Variants in PTOV1 observed in about 807,000 individuals in gnomAD.
PTOV1 encodes the protein prostate tumor-overexpressed gene 1 protein.
A neutral mutation model predicts 58.0 loss-of-function variants in PTOV1; 20 were observed. That is an observed-to-expected ratio of 0.34 (90% CI 0.24 to 0.50). The LOEUF (loss-of-function observed/expected upper bound fraction) is 0.50, where lower values mean the gene tolerates loss of function less well. Ranked by LOEUF, PTOV1 falls within the 20% of genes least tolerant of loss-of-function variation. The pLI, the probability that PTOV1 is intolerant of heterozygous loss-of-function variation, is 0.98. For synonymous variants in PTOV1, 335 were observed against 234.2 expected (o/e 1.43, Z -3.93); for missense variants, 593 against 565.4 (o/e 1.05, Z -0.50).
At chr19:49,856,705 ATGTGGGTGGG>A in intron 5 of PTOV1, 1 of 429,554 alleles carries the variant, frequency 2.3e-6, no homozygotes, top group Admixed American at 3.8e-5. Flanking sequence ...GCAGGGGGTG[ATGTGGGTGGG>A]AGGTAGTGCC....
chr19:49,850,949 C>A (rs1353970323), upstream of PTOV1: 1 of 1,535,784 alleles, frequency 6.5e-7, no homozygotes, highest in Admixed American at 2.0e-5. Context: ...TTCTGCCACC[C>A]CATTCGGTAG....
rs571540443 is a variant in PTOV1, at chr19:49,859,819, C to T, written c.1042-167C>T. On this transcript the variant is annotated intron_variant, in intron 10 of 11. Transcript: ENST00000391842. ...CTTTGGCCCACCCATTGCTCTTGGCCACCGTGTCATCCCAATAAGGGGGCC... is the reference window on the plus strand; with the variant it reads ...CTTTGGCCCACCCATTGCTCTTGGCTACCGTGTCATCCCAATAAGGGGGCC... 1.3e-5 allele frequency: 9 copies of T among 697,012 alleles called. No homozygotes were observed. The East Asian group carries it at 1.9e-4, about 14-fold the overall frequency. 43.2% of individuals were successfully genotyped at this position (697,012 alleles called of 1,614,324 possible).
chr19:49,859,970 G>A lies in PTOV1; in HGVS notation c.1042-16G>A, dbSNP rs201004192. ...CTGTGGTGCTGTCTGGTGACACCAC[G>A]CCCTGTGCCTGCCAGGCCGGCTGCG... On this transcript the variant is annotated splice_polypyrimidine_tract_variant and intron_variant, in intron 10 of 11. Coordinates refer to ENST00000391842, the Ensembl canonical transcript of PTOV1. The A allele has an allele frequency of 3.5e-5, 57 of 1,613,836 alleles. No homozygotes were observed. In the Middle Eastern group the frequency reaches 5.0e-4, roughly 14 times the overall value.
exon 6 of PTOV1, chr19:49,857,109 G>A (rs144117652): frequency 4.3e-6 from 7 of 1,613,938 alleles, no homozygotes; most frequent in Non-Finnish European, 5.9e-6. Context: ...CCATCCGGCA[G>A]GTCATCACCA....
intron 9 of PTOV1, 31 bp downstream of exon 9, chr19:49,858,145 G>T: frequency 6.2e-7 from 1 of 1,607,608 alleles, no homozygotes; most frequent in Non-Finnish European, 8.5e-7. Context: ...GCTGGAGCCT[G>T]CACGCAGTAG....
At chr19:49,860,039 G>A in exon 11 of PTOV1, 1 of 1,614,232 alleles carries the variant, frequency 6.2e-7, no homozygotes, top group South Asian at 1.1e-5. Flanking sequence ...GCGTGCTTAT[G>A]CTCCTGTACT....
exon 2 of PTOV1, chr19:49,854,480 C>T (rs769461066): frequency 2.7e-5 from 43 of 1,612,608 alleles, no homozygotes; most frequent in African/African-American, 6.7e-5. Flanking sequence ...GGGGTCTGGC[C>T]GTGAGCGAGC....
upstream of PTOV1, chr19:49,850,738 TG>T: frequency 1.0e-6 from 1 of 963,284 alleles, no homozygotes; most frequent in East Asian, 3.0e-5. Context: ...AACCTTCAGC[TG>T]TCTCAGGCTC....
exon 4 of PTOV1, chr19:49,854,844 T>G: frequency 6.2e-7 from 1 of 1,613,200 alleles, no homozygotes; most frequent in Non-Finnish European, 8.5e-7. Context: ...GACCGACCAG[T>G]GGCCGCAGAA....
intron 1 of PTOV1, among the ~76,000 whole-genome samples, chr19:49,853,781 T>A (rs1216902916): frequency 1.3e-5 from 2 of 152,192 alleles, no homozygotes; most frequent in African/African-American, 4.8e-5. Context: ...TTCCCCCTTT[T>A]CCTCGCTGTC....
upstream of PTOV1, chr19:49,851,146 C>T (rs577592693): frequency 7.8e-5 from 102 of 1,305,568 alleles, no homozygotes; most frequent in African/African-American, 1.6e-4. Flanking sequence ...CGCCGGGCTC[C>T]CCCGCTCGCC....
exon 8 of PTOV1, chr19:49,857,929 C>T (rs777427656): frequency 1.2e-5 from 19 of 1,613,734 alleles, no homozygotes; most frequent in Non-Finnish European, 1.5e-5. Context: ...AACAGTCGGT[C>T]CAAGAGGTGG....
Position 49,854,893 on chromosome 19 carries a change from G to GGGCCCC in PTOV1, c.450+5_450+6insGGCCCC. 7.5e-6 allele frequency: 12 copies of GGGCCCC among 1,603,352 alleles called. No individual in the cohort carries two copies. The highest frequency in any genetic ancestry group is 9.4e-6 in the Non-Finnish European group (11 of 1,173,160). The stretch of plus-strand genomic sequence containing the variant: ...CTGATCCCTCAGCAGCTGCTGGTGA[G>GGGCCCC]ACCCGCCCCTCCCACCCCATCCACT... On this transcript the variant is annotated splice_donor_region_variant and intron_variant, in intron 4 of 11. Coordinates refer to ENST00000391842, the Ensembl canonical transcript of PTOV1.
intron 1 of PTOV1, chr19:49,851,788 G>A (rs1389224318): frequency 1.9e-6 from 2 of 1,048,506 alleles, no homozygotes; most frequent in East Asian, 1.4e-4. Context: ...GGGGGCGGCA[G>A]ACAGGCAGCC....
intron 11 of PTOV1, 40 bp from the exon 12 acceptor site, chr19:49,860,228 C>G (rs78960496): frequency 5.6e-6 from 9 of 1,613,510 alleles, no homozygotes; most frequent in African/African-American, 1.3e-5. Flanking sequence ...CCTCCACCCC[C>G]GCTGCCTGCT....
At chr19:49,854,704 G>C in exon 3 of PTOV1, 1 of 1,613,482 alleles carries the variant, frequency 6.2e-7, no homozygotes, top group Non-Finnish European at 8.5e-7. Flanking sequence ...ACCCTGCCCT[G>C]CCAAGCCTAC....
chr19:49,860,042 C>G (rs753572317), exon 11 of PTOV1: 1 of 1,614,228 alleles, frequency 6.2e-7, no homozygotes. Flanking sequence ...TGCTTATGCT[C>G]CTGTACTCTT....
At chr19:49,857,367 A>G in intron 6 of PTOV1, 1 of 635,224 alleles carries the variant, frequency 1.6e-6, no homozygotes. Flanking sequence ...AAGCCAGCGG[A>G]GCGGGGAGCT....
intron 10 of PTOV1, 48 bp downstream of exon 10, chr19:49,858,701 GA>G: frequency 1.4e-6 from 2 of 1,472,208 alleles, no homozygotes; most frequent in Non-Finnish European, 1.9e-6. Context: ...AGGGCAGAGC[GA>G]GCCCGGACCG....
Sources: gnomAD v4.1 joint callset for allele counts (sites outside exome capture counted in the v4.1 genomes callset) on GRCh38, gnomAD v4.1.1 for gene constraint, MANE v1.5 for transcripts, NCBI Gene and HGNC (gene_info 2026-07-23, HGNC 2026-07-21) for gene names.